LIPF: variants seen among roughly 807,000 people sequenced by gnomAD.
LIPF encodes the protein gastric triacylglycerol lipase.
LIPF carries 25 observed loss-of-function variants against 38.0 expected under a neutral mutation model. The observed-to-expected ratio is 0.66, with a 90% CI of 0.48 to 0.92. The LOEUF (loss-of-function observed/expected upper bound fraction) is 0.92, where lower values mean the gene tolerates loss of function less well. Among genes scored for constraint, LIPF ranks in the 40% least tolerant of loss-of-function variants. The probability of loss-of-function intolerance (pLI) is 0.00; values close to 1 mark genes in which losing one functional copy is unlikely to be tolerated. For synonymous variants in LIPF, 161 were observed against 156.2 expected (o/e 1.03, Z -0.23); for missense variants, 410 against 469.9 (o/e 0.87, Z 1.18).
At position 88,678,676 on chromosome 10, in the gene LIPF, A is replaced by G. The variant is rs1291615185; in HGVS notation, c.1192A>G (p.Lys398Glu). ...DIVSMISEDK[K>E] ...TGTTTCTATGATATCAGAAGATAAA[A>G]AGTAGTTCTGGATTTAAAGAATTAT... Residue 398 changes from lysine to glutamate, a missense_variant, in exon 10 of 10, where the codon AAG becomes GAG. By Grantham distance (56) the Lys-to-Glu change is moderately conservative. Coordinates refer to ENST00000238983, the MANE Select transcript of LIPF (RefSeq NM_004190.4). 4 of 1,587,992 alleles carry G rather than the reference A, an allele frequency of 2.5e-6. No homozygotes were observed. Among genetic ancestry groups the G allele is most frequent in the Non-Finnish European group, 3.5e-6 (4 of 1,156,430 alleles).
At chr10:88,671,252 A>G (rs1841591856) in intron 5 of LIPF, among the ~76,000 whole-genome samples, 1 of 152,110 alleles carries the variant, frequency 6.6e-6, no homozygotes, top group Non-Finnish European at 1.5e-5. Context: ...TCTTTACATG[A>G]TTTACTTCCT....
intron 6 of LIPF, 148 bp downstream of exon 6, chr10:88,672,113 T>C (rs1293876686): frequency 2.6e-6 from 2 of 758,638 alleles, no homozygotes; most frequent in Admixed American, 2.8e-5. Flanking sequence ...ATTTCTTCCA[T>C]AGCACTGACC....
chr10:88,669,805 T>C, intron 4 of LIPF, 32 bp from the exon 5 acceptor site: 1 of 1,391,300 alleles, frequency 7.2e-7, no homozygotes, highest in Non-Finnish European at 1.0e-6. Context: ...CAAGGAAATG[T>C]ATTCACTTTC....
intron 7 of LIPF, among the ~76,000 whole-genome samples, 179 bp downstream of exon 7, chr10:88,673,913 T>C (rs1002564947): frequency 2.0e-5 from 3 of 152,094 alleles, no homozygotes; most frequent in African/African-American, 7.2e-5. Flanking sequence ...CATCCTTCCA[T>C]CACCCCAGTT....
At chr10:88,676,138 G>C in intron 8 of LIPF, 71 bp from the exon 9 acceptor site, 1 of 883,442 alleles carries the variant, frequency 1.1e-6, no homozygotes, top group Non-Finnish European at 1.7e-6. Context: ...TAAACTGCTT[G>C]GAAATGTTTG....
intron 3 of LIPF, among the ~76,000 whole-genome samples, chr10:88,668,236 G>A (rs536324184): frequency 4.5e-4 from 69 of 152,026 alleles, no homozygotes; most frequent in African/African-American, 1.3e-3. Context: ...AAGATTACTC[G>A]TAATTTTACC....
At chr10:88,666,416 T>C (rs1841512788) in intron 1 of LIPF, among the ~76,000 whole-genome samples, 1 of 152,242 alleles carries the variant, frequency 6.6e-6, no homozygotes, top group Non-Finnish European at 1.5e-5. Context: ...AAAACTGTCC[T>C]CTACATGGCT....
Position 88,673,644 on chromosome 10 carries a change from T to C in LIPF, c.726T>C (p.Ala242=), listed in dbSNP as rs1841638506. 2 of 1,611,658 alleles carry C rather than the reference T, an allele frequency of 1.2e-6. No individual in the cohort carries two copies. The highest frequency in any genetic ancestry group is 1.7e-5 in the Admixed American group (1 of 59,960). The change falls in exon 7 of 10, where the codon GCT becomes GCC. Residue 242 remains alanine, a synonymous_variant. Transcript: ENST00000238983. ...YPHNFFDQFL[A]TEVCSREMLN... ...ACAACTTCTTTGATCAATTTCTTGCTACTGAAGTGTGCTCCCGTGAGATGC... is the reference window on the plus strand; with the variant it reads ...ACAACTTCTTTGATCAATTTCTTGCCACTGAAGTGTGCTCCCGTGAGATGC...
chr10:88,669,094 G>C (rs1841556927), intron 4 of LIPF: 1 of 207,218 alleles, frequency 4.8e-6, no homozygotes, highest in African/African-American at 2.3e-5. Context: ...ACCCATTTAG[G>C]GGTAGGAGAA....
chr10:88,668,763 A>T lies in LIPF; in HGVS notation c.422+7A>T. 2 of 1,610,832 alleles carry T rather than the reference A, an allele frequency of 1.2e-6. No homozygotes were observed. The highest frequency in any genetic ancestry group is 2.2e-5 in the South Asian group (2 of 90,884). ...TTGAATTCTGGGCTTTCAGGTAAAC[A>T]AAAGGGACAATTAAAAATAAACACT... is the stretch of plus-strand genomic sequence containing the variant. On this transcript the variant is annotated splice_region_variant and intron_variant, in intron 4 of 9. Transcript: ENST00000238983.
In LIPF at chr10:88,671,527, T is replaced by A. The variant is rs189021428; in HGVS notation, c.533-302T>A. Among the ~76,000 whole-genome samples the A allele has an allele frequency of 2.0e-5, 3 of 152,250 alleles. No individual in the cohort carries two copies. The East Asian group carries it at 5.8e-4, about 29-fold the overall frequency. On this transcript the variant is annotated intron_variant, in intron 5 of 9. Coordinates refer to ENST00000238983, the MANE Select transcript of LIPF (RefSeq NM_004190.4). ...TAAAAAATATAAATTCATAAAGAAA[T>A]TCATAAAAAAATTTTTTGTAACCAT... is the stretch of plus-strand genomic sequence containing the variant.
intron 4 of LIPF, 33 bp from the exon 5 acceptor site, chr10:88,669,804 G>T (rs2134637544): frequency 7.2e-7 from 1 of 1,393,184 alleles, no homozygotes. Flanking sequence ...GCAAGGAAAT[G>T]TATTCACTTT....
chr10:88,666,026 C>T (rs146449653), intron 1 of LIPF, among the ~76,000 whole-genome samples: 9 of 152,126 alleles, frequency 5.9e-5, no homozygotes, highest in Non-Finnish European at 1.2e-4. Context: ...CATGAGCTAC[C>T]GCGCTCTGCC....
intron 1 of LIPF, chr10:88,665,405 C>T (rs1011854129): frequency 3.4e-5 from 23 of 671,868 alleles, no homozygotes; most frequent in African/African-American, 3.2e-4. Context: ...GTTCATTTCA[C>T]GTATACCATG....
intron 9 of LIPF, among the ~76,000 whole-genome samples, chr10:88,677,237 T>C (rs1245310440): frequency 6.6e-6 from 1 of 152,198 alleles, no homozygotes; most frequent in Non-Finnish European, 1.5e-5. Context: ...ATCAAACTTT[T>C]GTTGAAAACA....
intron 1 of LIPF, among the ~76,000 whole-genome samples, chr10:88,664,911 GTTGAA>G (rs1221924663): frequency 1.3e-5 from 2 of 152,174 alleles, no homozygotes; most frequent in Non-Finnish European, 2.9e-5. Context: ...ATCAACTGCT[GTTGAA>G]TTGATCATTA....
chr10:88,674,326 G>C (rs1841652448), intron 7 of LIPF, among the ~76,000 whole-genome samples: 1 of 152,046 alleles, frequency 6.6e-6, no homozygotes, highest in East Asian at 1.9e-4. Context: ...CCGCCACCAC[G>C]CCCGGCTAAT....
At chr10:88,673,924 G>A (rs1164992030) in intron 7 of LIPF, among the ~76,000 whole-genome samples, 190 bp downstream of exon 7, 1 of 151,910 alleles carries the variant, frequency 6.6e-6, no homozygotes, top group Non-Finnish European at 1.5e-5. Context: ...CACCCCAGTT[G>A]CCCCTAAACC....
At chr10:88,667,053 G>C (rs548201073) in intron 1 of LIPF, among the ~76,000 whole-genome samples, 23 of 152,074 alleles carry the variant, frequency 1.5e-4, no homozygotes, top group African/African-American at 5.1e-4. Flanking sequence ...TAAACAAAAG[G>C]AATCAAACAG....
Sources: gnomAD v4.1 joint callset for allele counts (sites outside exome capture counted in the v4.1 genomes callset) on GRCh38, gnomAD v4.1.1 for gene constraint, MANE v1.5 for transcripts, NCBI Gene and HGNC (gene_info 2026-07-23, HGNC 2026-07-21) for gene names.